C2CD5: variants seen among roughly 807,000 people sequenced by gnomAD.
The protein encoded by C2CD5 is C2 calcium dependent domain containing 5, also known as C2 domain-containing protein 5.
In C2CD5, 109 loss-of-function variants were observed where a neutral mutation model predicts 130.3. That is an observed-to-expected ratio of 0.84 (90% CI 0.72 to 0.98). The LOEUF (loss-of-function observed/expected upper bound fraction) is 0.98, where lower values mean the gene tolerates loss of function less well. Ranked by LOEUF, C2CD5 falls within the 50% of genes least tolerant of loss-of-function variation. The probability of loss-of-function intolerance (pLI) is 0.00; values close to 1 mark genes in which losing one functional copy is unlikely to be tolerated. For missense variants in C2CD5, 996 were observed against 1,261.8 expected (o/e 0.79, Z 3.19); for synonymous variants, 454 against 429.2 (o/e 1.06, Z -0.71).
chr12:22,495,184 A>T, intron 10 of C2CD5, among the ~76,000 whole-genome samples: 1 of 152,248 alleles, frequency 6.6e-6, no homozygotes, highest in Middle Eastern at 3.4e-3. Flanking sequence ...GAAGTTTAAA[A>T]TATTATTTTC....
chr12:22,478,021 ACACACACT>A (rs973573837), intron 15 of C2CD5: 4 of 364,306 alleles, frequency 1.1e-5, no homozygotes, highest in South Asian at 4.9e-5. Flanking sequence ...TCACACACAC[ACACACACT>A]CACACACACA....
rs959878512 is a variant in C2CD5, at chr12:22,474,823, A to G, written c.1971T>C (p.Ser657=). ...EPRQRSRLLR[S]QSESSDEVTE... Reference sequence around the variant, plus strand: ...TAACTTCATCCGAGCTTTCTGATTGAGATCTTAGAAGTCTTGAGCGTTGCC... The same window carrying G: ...TAACTTCATCCGAGCTTTCTGATTGGGATCTTAGAAGTCTTGAGCGTTGCC... Residue 657 remains serine, a synonymous_variant, in exon 16 of 27, where the codon TCT becomes TCC. Coordinates refer to ENST00000446597, the MANE Select transcript of C2CD5 (RefSeq NM_001286176.2). The G allele has an allele frequency of 1.5e-5, 24 of 1,609,520 alleles. No homozygotes were observed. The highest frequency in any genetic ancestry group is 3.3e-4 in the Middle Eastern group (2 of 6,056).
chr12:22,512,384 T>C (rs1949282937), intron 9 of C2CD5, among the ~76,000 whole-genome samples: 1 of 152,184 alleles, frequency 6.6e-6, no homozygotes, highest in South Asian at 2.1e-4. Flanking sequence ...TAAATGCTTA[T>C]AGCTTCCAAA....
At chr12:22,507,938 A>C (rs768124565) in intron 9 of C2CD5, among the ~76,000 whole-genome samples, 3 of 152,206 alleles carry the variant, frequency 2.0e-5, no homozygotes, top group Non-Finnish European at 2.9e-5. Context: ...AAAAAGAAAC[A>C]ACTCTAAAAT....
intron 26 of C2CD5, among the ~76,000 whole-genome samples, chr12:22,452,455 A>C (rs1342727624): frequency 6.6e-6 from 1 of 152,014 alleles, no homozygotes; most frequent in Non-Finnish European, 1.5e-5. Flanking sequence ...TTCACGCCAA[A>C]TCTTATCAAT....
chr12:22,513,697 T>TAATCAAGATAATAAC (rs1949427633), intron 8 of C2CD5, among the ~76,000 whole-genome samples: 1 of 152,090 alleles, frequency 6.6e-6, no homozygotes, highest in South Asian at 2.1e-4. Flanking sequence ...TTAATTAAAA[T>TAATCAAGATAATAAC]AATCAAGATA....
chr12:22,458,611 G>T, intron 23 of C2CD5, 26 bp from the exon 24 acceptor site: 1 of 1,118,762 alleles, frequency 8.9e-7, no homozygotes, highest in Non-Finnish European at 1.1e-6. Context: ...GAAAACAAAA[G>T]AAAAAAACAA....
At chr12:22,464,119 A>G (rs980279557) in intron 22 of C2CD5, among the ~76,000 whole-genome samples, 1 of 152,170 alleles carries the variant, frequency 6.6e-6, no homozygotes, top group Non-Finnish European at 1.5e-5. Context: ...AAACTGCCAT[A>G]TTACAGTTGT....
intron 11 of C2CD5, among the ~76,000 whole-genome samples, chr12:22,490,475 T>C (rs1946196240): frequency 6.6e-6 from 1 of 152,040 alleles, no homozygotes; most frequent in Admixed American, 6.6e-5. Context: ...AGACAATAAC[T>C]TCATTTAAAA....
chr12:22,514,577 C>T (rs1949522194), intron 8 of C2CD5, among the ~76,000 whole-genome samples: 2 of 151,834 alleles, frequency 1.3e-5, no homozygotes, highest in Non-Finnish European at 2.9e-5. Context: ...CAAAATGAGA[C>T]TTAAACTGAT....
At chr12:22,455,487 T>A (rs1423926905) in intron 25 of C2CD5, among the ~76,000 whole-genome samples, 1 of 152,234 alleles carries the variant, frequency 6.6e-6, no homozygotes, top group South Asian at 2.1e-4. Context: ...TTCAAAATAG[T>A]GTAATATCCA....
chr12:22,526,067 G>A lies in C2CD5; in HGVS notation c.350-362C>T, dbSNP rs114386322. On this transcript the variant is annotated intron_variant, in intron 4 of 26. Coordinates refer to ENST00000446597, the MANE Select transcript of C2CD5 (RefSeq NM_001286176.2). ...TGGGATGAGTTTATCTGGATATAAC[G>A]CCATCACAAATCAAGGTGCATCTGT... Among the ~76,000 whole-genome samples, 521 of 152,234 alleles carry A rather than the reference G, an allele frequency of 3.4e-3. 3 individuals carry two copies. The highest frequency in any genetic ancestry group is 0.012 in the African/African-American group (492 of 41,536).
Position 22,530,419 on chromosome 12 carries a change from T to A in C2CD5, c.178-2527A>T, listed in dbSNP as rs565511078. Among the ~76,000 whole-genome samples, 12 of 151,678 alleles carry A rather than the reference T, an allele frequency of 7.9e-5. No individual in the cohort carries two copies. In the South Asian group the frequency reaches 2.5e-3, roughly 32 times the overall value. On this transcript the variant is annotated intron_variant, in intron 3 of 26. Transcript: ENST00000446597. The stretch of plus-strand genomic sequence containing the variant: ...TTTTAAGTACATTTTTCACAGCATA[T>A]ATATTATTCGGGAAGACTAGTCAAA...
chr12:22,512,996 C>A (rs1949355894), intron 9 of C2CD5, among the ~76,000 whole-genome samples: 1 of 151,780 alleles, frequency 6.6e-6, no homozygotes, highest in Admixed American at 6.6e-5. Context: ...TTACCATCTC[C>A]TTTCCAATGA....
chr12:22,508,152 A>T (rs1352013880), intron 9 of C2CD5, among the ~76,000 whole-genome samples: 5 of 152,316 alleles, frequency 3.3e-5, no homozygotes, highest in African/African-American at 1.2e-4. Flanking sequence ...AAAAGCTATC[A>T]GTCCTGTGCA....
At chr12:22,510,690 C>T (rs929752967) in intron 9 of C2CD5, among the ~76,000 whole-genome samples, 18 of 152,164 alleles carry the variant, frequency 1.2e-4, no homozygotes, top group Non-Finnish European at 2.2e-4. Flanking sequence ...AAATGTGTTC[C>T]TCACTAACAG....
intron 14 of C2CD5, among the ~76,000 whole-genome samples, chr12:22,480,000 A>G (rs542360519): frequency 3.9e-5 from 6 of 152,182 alleles, no homozygotes; most frequent in African/African-American, 1.4e-4. Flanking sequence ...GGATTGATGA[A>G]GAAATCTGCA....
chr12:22,471,320 G>T (rs1012216300), intron 20 of C2CD5, 79 bp downstream of exon 20: 7 of 806,868 alleles, frequency 8.7e-6, no homozygotes, highest in Admixed American at 2.3e-5. Context: ...ATTTAATTAC[G>T]GCAAAATTAT....
At chr12:22,504,150 C>T (rs138985642) in intron 10 of C2CD5, among the ~76,000 whole-genome samples, 120 of 151,886 alleles carry the variant, frequency 7.9e-4, no homozygotes, top group African/African-American at 2.6e-3. Context: ...AAAATAAACC[C>T]CAAAATGCAG....
Sources: allele counts gnomAD v4.1 joint callset (sites outside exome capture counted in the v4.1 genomes callset), GRCh38; gene constraint gnomAD v4.1.1; transcripts MANE v1.5; gene names NCBI Gene and HGNC (gene_info 2026-07-23, HGNC 2026-07-21).